NEMP2: variants seen among roughly 807,000 people sequenced by gnomAD.
NEMP2 encodes nuclear envelope integral membrane protein 2.
A neutral mutation model predicts 54.2 loss-of-function variants in NEMP2; 53 were observed. The ratio of observed to expected loss-of-function variants is 0.98; its 90% CI spans 0.78 to 1.23. The LOEUF (loss-of-function observed/expected upper bound fraction) is 1.23, where lower values mean the gene tolerates loss of function less well. Among genes scored for constraint, NEMP2 ranks in the 50% most tolerant of loss-of-function variants. The probability of loss-of-function intolerance (pLI) is 0.00; values close to 1 mark genes in which losing one functional copy is unlikely to be tolerated. For missense variants in NEMP2, 455 were observed against 511.3 expected, an observed-to-expected ratio of 0.89 and a Z score of 1.06; for synonymous variants, 197 against 190.3, an observed-to-expected ratio of 1.04 and a Z score of -0.29.
chr2:190,575,026 T>C, the NEMP2 span, among the ~76,000 whole-genome samples: 3 of 151,954 alleles, frequency 2.0e-5, no homozygotes, highest in Non-Finnish European at 4.4e-5. Context: ...GGCTACTTTT[T>C]TTGTATTTTT....
At chr2:190,448,824 C>T in the NEMP2 span, among the ~76,000 whole-genome samples, 1 of 152,236 alleles carries the variant, frequency 6.6e-6, no homozygotes, top group South Asian at 2.1e-4. Flanking sequence ...ATTTTCCATT[C>T]TTGGTGCTAG....
At chr2:190,435,786 A>G in the NEMP2 span, 1 of 468,162 alleles carries the variant, frequency 2.1e-6, no homozygotes, top group Non-Finnish European at 3.7e-6. Context: ...AGTGGCCATA[A>G]AGAGTATTCG....
the NEMP2 span, among the ~76,000 whole-genome samples, chr2:190,574,148 T>C: frequency 6.6e-6 from 1 of 152,242 alleles, no homozygotes; most frequent in Non-Finnish European, 1.5e-5. Flanking sequence ...TTTGCAACAT[T>C]TGTTTATGAA....
the NEMP2 span, among the ~76,000 whole-genome samples, chr2:190,592,040 T>C: frequency 6.6e-6 from 1 of 152,198 alleles, no homozygotes; most frequent in Non-Finnish European, 1.5e-5. The surrounding 1 kb of genome is among the most constrained non-coding windows in gnomAD (Gnocchi z 4.4). Context: ...TGCAAAGTGC[T>C]TTTGGGGTCC....
chr2:190,470,767 G>A, the NEMP2 span, among the ~76,000 whole-genome samples: 1 of 152,078 alleles, frequency 6.6e-6, no homozygotes, highest in African/African-American at 2.4e-5. Context: ...TAAAATGAAA[G>A]ATTCATAATT....
the NEMP2 span, among the ~76,000 whole-genome samples, chr2:190,430,825 G>C: frequency 6.7e-6 from 1 of 148,418 alleles, no homozygotes; most frequent in Non-Finnish European, 1.5e-5. Context: ...CCCGGACGGG[G>C]CGGCCGGCCG....
the NEMP2 span, among the ~76,000 whole-genome samples, chr2:190,455,934 CTTTTTTTTTTTT>C: frequency 1.5e-5 from 1 of 65,370 alleles, no homozygotes; most frequent in Non-Finnish European, 2.5e-5. Flanking sequence ...ATTTACTCTG[CTTTTTTTTTTTT>C]TTTTTTTTTT....
chr2:190,451,239 A>G, the NEMP2 span, among the ~76,000 whole-genome samples: 2 of 152,226 alleles, frequency 1.3e-5, no homozygotes, highest in Non-Finnish European at 2.9e-5. This position sits in a 1 kb window ranked among gnomAD's most constrained non-coding sequence, Gnocchi z 5.0. Flanking sequence ...CAGTAATTTT[A>G]GCTTTGTTAA....
At chr2:190,633,367 G>A in the NEMP2 span, among the ~76,000 whole-genome samples, 1 of 147,492 alleles carries the variant, frequency 6.8e-6, no homozygotes, top group Admixed American at 6.8e-5. Flanking sequence ...AGGTTGGAGT[G>A]CAATGGCGCG....
the NEMP2 span, among the ~76,000 whole-genome samples, chr2:190,431,670 G>A: frequency 6.6e-6 from 1 of 152,196 alleles, no homozygotes; most frequent in East Asian, 1.9e-4. This position sits in a 1 kb window ranked among gnomAD's most constrained non-coding sequence, Gnocchi z 4.4. Context: ...GTCCAGCTTC[G>A]GCTCAGCATC....
the NEMP2 span, among the ~76,000 whole-genome samples, chr2:190,644,177 A>C: frequency 1.3e-5 from 2 of 152,206 alleles, no homozygotes; most frequent in African/African-American, 2.4e-5. The surrounding 1 kb of genome is among the most constrained non-coding windows in gnomAD (Gnocchi z 4.4). Flanking sequence ...GTAAAAAAAA[A>C]ACAAAAAACA....
In NEMP2 at chr2:190,528,477, G is replaced by A. The variant is rs1691025508; in HGVS notation, c.98-3099C>T. ...TGATTCCTACCTATCGTTGGAAAGG[G>A]AGTGCATTCCAGCAGGGCAGGTGAA... On this transcript the variant is annotated intron_variant, in intron 1 of 8. Transcript: ENST00000409150. This position sits in a 1 kb window ranked among gnomAD's most constrained non-coding sequence, Gnocchi z 4.3. Among the ~76,000 whole-genome samples, 2 of 152,134 alleles carry A rather than the reference G, an allele frequency of 1.3e-5. No homozygotes were observed. The highest frequency in any genetic ancestry group is 1.3e-4 in the Admixed American group (2 of 15,288).
chr2:190,546,216 A>ATTT, the NEMP2 span, among the ~76,000 whole-genome samples: 6 of 150,702 alleles, frequency 4.0e-5, no homozygotes, highest in Admixed American at 4.0e-4. This position sits in a 1 kb window ranked among gnomAD's most constrained non-coding sequence, Gnocchi z 5.1. Flanking sequence ...CAGACAGAAA[A>ATTT]TTTTTTTTTT....
At position 190,506,330 on chromosome 2, in the gene NEMP2, T is replaced by G. The variant is rs532689135; in HGVS notation, c.*2859A>C. Reference sequence around the variant, plus strand: ...TTCCACATCCATTATGTTGTCTATCTTGCTTTCAGTTGGACAAGAAAAGCT... The same window carrying G: ...TTCCACATCCATTATGTTGTCTATCGTGCTTTCAGTTGGACAAGAAAAGCT... On this transcript the variant is annotated 3_prime_UTR_variant, in exon 9 of 9. Transcript: ENST00000409150. This position sits in a 1 kb window ranked among gnomAD's most constrained non-coding sequence, Gnocchi z 6.3. 6.6e-6 allele frequency: 1 copy of G among 152,368 alleles called. No homozygotes were observed. The highest frequency in any genetic ancestry group is 2.4e-5 in the African/African-American group (1 of 41,588). 9.4% of individuals were successfully genotyped at this position (152,368 alleles called of 1,614,324 possible). A position where few individuals can be genotyped will look rare whatever the true frequency, so the allele number is the denominator to read the frequency against.
chr2:190,549,185 C>A, the NEMP2 span, among the ~76,000 whole-genome samples: 4 of 152,330 alleles, frequency 2.6e-5, no homozygotes, highest in African/African-American at 7.2e-5. Flanking sequence ...AAACTGGCAA[C>A]TGGATTCAAA....
the NEMP2 span, among the ~76,000 whole-genome samples, chr2:190,589,519 T>C: frequency 3.3e-5 from 5 of 152,074 alleles, no homozygotes; most frequent in African/African-American, 1.2e-4. This position sits in a 1 kb window ranked among gnomAD's most constrained non-coding sequence, Gnocchi z 4.3. Flanking sequence ...ACCTATTGCT[T>C]TGGGGGAATA....
the NEMP2 span, among the ~76,000 whole-genome samples, chr2:190,445,154 G>A: frequency 6.6e-6 from 1 of 152,122 alleles, no homozygotes; most frequent in African/African-American, 2.4e-5. Flanking sequence ...CTGAGTCTCA[G>A]TTTTATTCAT....
At chr2:190,438,550 C>G in the NEMP2 span, among the ~76,000 whole-genome samples, 1 of 152,192 alleles carries the variant, frequency 6.6e-6, no homozygotes, top group Non-Finnish European at 1.5e-5. The surrounding 1 kb of genome is among the most constrained non-coding windows in gnomAD (Gnocchi z 5.2). Context: ...CCTAGTGTTT[C>G]TTGTTGTGTA....
the NEMP2 span, among the ~76,000 whole-genome samples, chr2:190,639,639 T>A: frequency 6.6e-6 from 1 of 151,728 alleles, no homozygotes; most frequent in Admixed American, 6.6e-5. Flanking sequence ...TTGTTGAGTT[T>A]TTTTTTTTTG....
Sources: allele counts gnomAD v4.1 joint callset (sites outside exome capture counted in the v4.1 genomes callset), GRCh38; gene constraint gnomAD v4.1.1; non-coding constraint Gnocchi (gnomAD v3.1); transcripts MANE v1.5; gene names NCBI Gene and HGNC (gene_info 2026-07-23, HGNC 2026-07-21).